SFSWAP: variants seen among roughly 807,000 people sequenced by gnomAD.
SFSWAP encodes splicing factor SWAP.
SFSWAP carries 17 observed loss-of-function variants against 100.7 expected under a neutral mutation model. The ratio of observed to expected loss-of-function variants is 0.17; its 90% CI spans 0.12 to 0.25. The LOEUF (loss-of-function observed/expected upper bound fraction) is 0.25. SFSWAP is among the 10% of genes least tolerant of loss of function. The pLI is 1.00. For synonymous variants in SFSWAP, 504 were observed against 510.1 expected (o/e 0.99, Z 0.16); for missense variants, 1,005 against 1,262.6 (o/e 0.80, Z 3.09).
rs1438527289 is a variant in SFSWAP, at chr12:131,734,816, C to T, written c.1081+6388C>T. The stretch of plus-strand genomic sequence containing the variant: ...CCCTGCGTGCGCACGTCTACGTACG[C>T]TCGTGTATGCTGAGGAGCAGGCATT... On this transcript the variant is annotated intron_variant, in intron 7 of 17. Transcript: ENST00000261674. The surrounding 1 kb of genome is among the most constrained non-coding windows in gnomAD (Gnocchi z 4.9). Among the ~76,000 whole-genome samples, 2 of 151,794 alleles carry T rather than the reference C, an allele frequency of 1.3e-5. No individual in the cohort carries two copies. Among genetic ancestry groups the T allele is most frequent in the Admixed American group, 6.6e-5 (1 of 15,222 alleles).
Position 131,729,125 on chromosome 12 carries a change from C to G in SFSWAP, c.1081+697C>G, listed in dbSNP as rs144923600. ...AATGGGGCCTCCGTTAAACACGTTG[C>G]TGCCCTAAACAAAGTCAAATGCTGG... On this transcript the variant is annotated intron_variant, in intron 7 of 17. Coordinates refer to ENST00000261674, the MANE Select transcript of SFSWAP (RefSeq NM_004592.4). Among the ~76,000 whole-genome samples, 602 of 152,304 alleles carry G rather than the reference C, an allele frequency of 4.0e-3. 3 individuals are homozygous for G. The highest frequency in any genetic ancestry group is 0.014 in the African/African-American group (577 of 41,550).
intron 7 of SFSWAP, among the ~76,000 whole-genome samples, chr12:131,746,318 C>T (rs948095463): frequency 2.0e-5 from 3 of 152,218 alleles, no homozygotes; most frequent in Non-Finnish European, 4.4e-5. Flanking sequence ...GGACCTACAG[C>T]GTTGTTGCAG....
At chr12:131,742,337 C>T (rs188090831) in intron 7 of SFSWAP, among the ~76,000 whole-genome samples, 7 of 152,258 alleles carry the variant, frequency 4.6e-5, no homozygotes, top group African/African-American at 1.4e-4. Context: ...TCTTCAAAAC[C>T]TCAGTACAGC....
In SFSWAP at chr12:131,764,699, C is replaced by T; in HGVS notation, c.1951+13C>T. On this transcript the variant is annotated intron_variant, in intron 12 of 17. Coordinates refer to ENST00000261674, the MANE Select transcript of SFSWAP (RefSeq NM_004592.4). Reference sequence around the variant, plus strand: ...GAAGCAAAGCAAGGTTTGTTGATAGCTTTTAAACTTCTTGAAAGAAAGGAA... The same window carrying T: ...GAAGCAAAGCAAGGTTTGTTGATAGTTTTTAAACTTCTTGAAAGAAAGGAA... 1.3e-6 allele frequency: 2 copies of T among 1,558,180 alleles called. No homozygotes were observed. The highest frequency in any genetic ancestry group is 1.1e-5 in the South Asian group (1 of 87,664).
intron 13 of SFSWAP, among the ~76,000 whole-genome samples, chr12:131,767,310 A>G (rs1883195353): frequency 1.3e-5 from 2 of 152,266 alleles, no homozygotes; most frequent in Admixed American, 6.5e-5. Flanking sequence ...TGTCACATCA[A>G]TTTAGAATCT....
intron 13 of SFSWAP, among the ~76,000 whole-genome samples, chr12:131,769,339 A>T (rs1566043081): frequency 6.6e-6 from 1 of 152,204 alleles, no homozygotes; most frequent in East Asian, 1.9e-4. Flanking sequence ...GACCTGTTAC[A>T]GTGGCGTACG....
chr12:131,749,286 C>T (rs1000256082), intron 7 of SFSWAP, among the ~76,000 whole-genome samples: 8 of 152,150 alleles, frequency 5.3e-5, no homozygotes, highest in South Asian at 4.1e-4. Flanking sequence ...AGGAGAATCC[C>T]GGCATGTCGT....
rs1001569907 is a variant in SFSWAP, at chr12:131,730,568, A to C, written c.1081+2140A>C. On this transcript the variant is annotated intron_variant, in intron 7 of 17. Transcript: ENST00000261674. This position sits in a 1 kb window ranked among gnomAD's most constrained non-coding sequence, Gnocchi z 4.0. ...GAATGTGATCTGAACTGAGGCATGC[A>C]GGGGTGGCATTGTGAGCTGTCTGGG... 6.6e-6 allele frequency among the ~76,000 whole-genome samples: 1 copy of C among 152,156 alleles called. No individual in the cohort carries two copies. Among genetic ancestry groups the C allele is most frequent in the African/African-American group, 2.4e-5 (1 of 41,440 alleles).
At chr12:131,754,889 T>C (rs1312605075) in intron 9 of SFSWAP, among the ~76,000 whole-genome samples, 1 of 152,086 alleles carries the variant, frequency 6.6e-6, no homozygotes, top group Non-Finnish European at 1.5e-5. Flanking sequence ...TGCCTCAGCC[T>C]CCCAAAGTGC....
At chr12:131,720,270 C>T (rs1223809014) in intron 4 of SFSWAP, among the ~76,000 whole-genome samples, 6 of 152,184 alleles carry the variant, frequency 3.9e-5, no homozygotes, top group Non-Finnish European at 8.8e-5. Flanking sequence ...ATGCTAACAA[C>T]CCTATAAGCG....
At chr12:131,727,935 T>C (rs1172859419) in intron 6 of SFSWAP, among the ~76,000 whole-genome samples, 19 of 152,220 alleles carry the variant, frequency 1.2e-4, no homozygotes, top group Admixed American at 1.2e-3. Flanking sequence ...TGCTGATTGA[T>C]TGGACTGGAA....
At chr12:131,741,736 C>A (rs566334802) in intron 7 of SFSWAP, among the ~76,000 whole-genome samples, 10 of 152,078 alleles carry the variant, frequency 6.6e-5, no homozygotes, top group African/African-American at 2.4e-4. Flanking sequence ...CAGCCTCCCC[C>A]TCTGTTGCAT....
chr12:131,790,849 G>A (rs533723560), intron 15 of SFSWAP, among the ~76,000 whole-genome samples: 154 of 152,212 alleles, frequency 1.0e-3, no homozygotes, highest in Non-Finnish European at 2.0e-3. Flanking sequence ...CTAAGCGAAG[G>A]ATGCATAACC....
In SFSWAP at chr12:131,789,317, C is replaced by G. The variant is rs1224897592; in HGVS notation, c.2534+2729C>G. On this transcript the variant is annotated intron_variant, in intron 15 of 17. Coordinates refer to ENST00000261674, the MANE Select transcript of SFSWAP (RefSeq NM_004592.4). ...AACTGATTATTGCCTGATTCTTTCA[C>G]TGACTTCTCACTTGGAAACTTTTTT... Among the ~76,000 whole-genome samples, 4 of 152,178 alleles carry G rather than the reference C, an allele frequency of 2.6e-5. No individual in the cohort carries two copies. The East Asian group carries it at 7.7e-4, about 29-fold the overall frequency.
At chr12:131,722,106 C>T (rs1878531660) in intron 4 of SFSWAP, among the ~76,000 whole-genome samples, 3 of 152,150 alleles carry the variant, frequency 2.0e-5, no homozygotes, top group Admixed American at 2.0e-4. Context: ...CTTAAGGGGG[C>T]AGGACATGGT....
intron 15 of SFSWAP, among the ~76,000 whole-genome samples, chr12:131,787,216 C>T (rs1225287008): frequency 2.6e-5 from 4 of 152,302 alleles, no homozygotes; most frequent in South Asian, 2.1e-4. Context: ...CAGGGTGCCA[C>T]GGGCTCACCC....
Position 131,751,258 on chromosome 12 carries a change from C to G in SFSWAP, c.1082-1865C>G, listed in dbSNP as rs868356854. The stretch of plus-strand genomic sequence containing the variant: ...GGTTGGAGCTGCATAATATGTACTA[C>G]TAGTTGAAATAATTATAAACCGTTT... On this transcript the variant is annotated intron_variant, in intron 7 of 17. Coordinates refer to ENST00000261674, the MANE Select transcript of SFSWAP (RefSeq NM_004592.4). 2.6e-5 allele frequency among the ~76,000 whole-genome samples: 4 copies of G among 152,314 alleles called. No individual in the cohort carries two copies. In the South Asian group the frequency reaches 8.3e-4, roughly 32 times the overall value.
chr12:131,745,496 G>A (rs1881021160), intron 7 of SFSWAP, among the ~76,000 whole-genome samples: 1 of 152,278 alleles, frequency 6.6e-6, no homozygotes, highest in African/African-American at 2.4e-5. Flanking sequence ...GGTGTATTAG[G>A]CACTTTCCTC....
Position 131,733,189 on chromosome 12 carries a change from G to A in SFSWAP, c.1081+4761G>A, listed in dbSNP as rs1174416441. On this transcript the variant is annotated intron_variant, in intron 7 of 17. Transcript: ENST00000261674. This position sits in a 1 kb window ranked among gnomAD's most constrained non-coding sequence, Gnocchi z 5.1. ...CGTCAGCTGTATGAGAGCGGGCGGG[G>A]GATGGCGCGGTCTCCCTGGTACTTA... Among the ~76,000 whole-genome samples, 1 of 152,134 alleles carries A rather than the reference G, an allele frequency of 6.6e-6. No homozygotes were observed. The highest frequency in any genetic ancestry group is 1.5e-5 in the Non-Finnish European group (1 of 68,026).
Sources: gnomAD v4.1 joint callset for allele counts (sites outside exome capture counted in the v4.1 genomes callset) on GRCh38, gnomAD v4.1.1 for gene constraint, Gnocchi (gnomAD v3.1) non-coding constraint, MANE v1.5 for transcripts, NCBI Gene and HGNC (gene_info 2026-07-23, HGNC 2026-07-21) for gene names.